ARID1B: variants seen among roughly 807,000 people sequenced by gnomAD.
ARID1B encodes AT-rich interactive domain-containing protein 1B.
In ARID1B, 30 loss-of-function variants were observed where a neutral mutation model predicts 212.3. The observed-to-expected ratio is 0.14, with a 90% CI of 0.11 to 0.19. The LOEUF (loss-of-function observed/expected upper bound fraction) is 0.19. ARID1B is among the 10% of genes least tolerant of loss of function. The pLI, the probability that ARID1B is intolerant of heterozygous loss-of-function variation, is 1.00. For synonymous variants in ARID1B, 1,402 were observed against 1,301.7 expected, an observed-to-expected ratio of 1.08 and a Z score of -1.66; for missense variants, 2,891 against 3,204.0, an observed-to-expected ratio of 0.90 and a Z score of 2.36.
Position 156,842,394 on chromosome 6 carries a change from A to C in ARID1B, c.1986+12973A>C, listed in dbSNP as rs532943327. The stretch of plus-strand genomic sequence containing the variant: ...TGACCTTTTGTGTCTGGCTTTTTTC[A>C]GTTAGCATACTGTTTTCAAGGTTCA... On this transcript the variant is annotated intron_variant, in intron 2 of 19. Coordinates refer to ENST00000636930, the MANE Select transcript of ARID1B (RefSeq NM_001374828.1). Among the ~76,000 whole-genome samples, 18 of 152,292 alleles carry C rather than the reference A, an allele frequency of 1.2e-4. No individual in the cohort carries two copies. In the East Asian group the frequency reaches 3.5e-3, roughly 29 times the overall value.
intron 1 of ARID1B, among the ~76,000 whole-genome samples, chr6:156,782,017 G>GTT (rs1779314840): frequency 7.4e-6 from 1 of 135,844 alleles, no homozygotes; most frequent in African/African-American, 2.8e-5. Context: ...TGAGGTTGGG[G>GTT]GAAATATGGA....
At chr6:156,907,905 CA>C (rs1210631219) in intron 3 of ARID1B, among the ~76,000 whole-genome samples, 1,297 of 74,472 alleles carry the variant, frequency 0.017, 6 homozygotes, top group East Asian at 0.025. Context: ...AAGACTGTCT[CA>C]AAAAAAAAAA....
intron 4 of ARID1B, among the ~76,000 whole-genome samples, chr6:157,078,101 G>A (rs984135572): frequency 2.6e-5 from 4 of 152,154 alleles, no homozygotes; most frequent in African/African-American, 9.7e-5. Context: ...TCTTAAGTTC[G>A]TTGGACTTAA....
At chr6:156,975,786 T>G (rs1777199287) in intron 4 of ARID1B, among the ~76,000 whole-genome samples, 1 of 152,108 alleles carries the variant, frequency 6.6e-6, no homozygotes, top group Non-Finnish European at 1.5e-5. Flanking sequence ...ACCACAGTGG[T>G]GCATGTCACG....
intron 2 of ARID1B, among the ~76,000 whole-genome samples, chr6:156,846,400 C>T (rs1393102978): frequency 6.6e-6 from 1 of 151,508 alleles, no homozygotes. Flanking sequence ...CTCCTGACCT[C>T]GTGAACCACC....
chr6:157,107,086 T>G (rs1326337616), intron 5 of ARID1B, among the ~76,000 whole-genome samples: 2 of 152,216 alleles, frequency 1.3e-5, no homozygotes, highest in African/African-American at 4.8e-5. Context: ...TGTGGTACAC[T>G]TCCCCAAATT....
intron 4 of ARID1B, among the ~76,000 whole-genome samples, chr6:156,991,306 C>T (rs1778264130): frequency 6.6e-6 from 1 of 152,222 alleles, no homozygotes; most frequent in African/African-American, 2.4e-5. Context: ...TCTCGGCTCA[C>T]TGCAACCTCT....
At chr6:157,204,447 T>G (rs542542595) in intron 19 of ARID1B, 1 of 156,912 alleles carries the variant, frequency 6.4e-6, no homozygotes, top group East Asian at 1.8e-4. Context: ...TTTAGAAATT[T>G]TATATTCTAT....
intron 2 of ARID1B, among the ~76,000 whole-genome samples, chr6:156,837,506 G>T (rs762178310): frequency 6.6e-6 from 1 of 151,840 alleles, no homozygotes; most frequent in Non-Finnish European, 1.5e-5. Flanking sequence ...TTTTAAAAAG[G>T]TTTTTTTTCT....
intron 8 of ARID1B, chr6:157,151,231 A>G (rs537326549): frequency 2.0e-5 from 3 of 152,042 alleles, no homozygotes; most frequent in East Asian, 3.9e-4. Flanking sequence ...TTGTCTAGGA[A>G]CCTGTGTTGT....
chr6:157,004,908 T>C (rs1253430318), intron 4 of ARID1B, among the ~76,000 whole-genome samples: 3 of 112,700 alleles, frequency 2.7e-5, no homozygotes, highest in Non-Finnish European at 5.3e-5. Flanking sequence ...TTTTTTTTTT[T>C]TTTTTTTTTT....
chr6:156,818,948 A>T (rs1782166708), intron 1 of ARID1B, among the ~76,000 whole-genome samples: 1 of 152,142 alleles, frequency 6.6e-6, no homozygotes, highest in Admixed American at 6.5e-5. Flanking sequence ...CTTTTAAAAA[A>T]AAAAAAACCT....
chr6:156,778,446 C>T lies in ARID1B; in HGVS notation c.766C>T (p.Pro256Ser), dbSNP rs1778850596. The T allele has an allele frequency of 7.1e-7, 1 of 1,410,622 alleles. No homozygotes were observed. 87.4% of individuals were successfully genotyped at this position (1,410,622 alleles called of 1,614,324 possible). ...KDSAAGGQAD[P>S]PGPPLLSKPG... ...CAGTGCTGCGGGCGGCCAGGCCGAC[C>T]CCCCGGGCCCGCCGCTGCTGAGCAA... Residue 256 changes from proline (P) to serine (S), a missense_variant, in exon 1 of 20, where the codon CCC becomes TCC. Coordinates refer to ENST00000636930, the MANE Select transcript of ARID1B (RefSeq NM_001374828.1).
At chr6:157,006,113 T>C (rs1381346900) in intron 4 of ARID1B, among the ~76,000 whole-genome samples, 4 of 152,206 alleles carry the variant, frequency 2.6e-5, no homozygotes, top group African/African-American at 9.7e-5. Flanking sequence ...AGTTCAGTGC[T>C]ATCTGATCTC....
At chr6:156,781,687 T>G (rs537738803) in intron 1 of ARID1B, among the ~76,000 whole-genome samples, 63 of 152,212 alleles carry the variant, frequency 4.1e-4, no homozygotes, top group Middle Eastern at 3.4e-3. Flanking sequence ...ATAGAAAACT[T>G]GTGATTTCAA....
intron 2 of ARID1B, among the ~76,000 whole-genome samples, chr6:156,887,347 G>T (rs1044821610): frequency 1.3e-5 from 2 of 152,212 alleles, no homozygotes; most frequent in African/African-American, 4.8e-5. Flanking sequence ...TAAGAGCCAA[G>T]TTGGGTCTTG....
At chr6:156,865,242 A>G (rs1785599043) in intron 2 of ARID1B, among the ~76,000 whole-genome samples, 1 of 152,146 alleles carries the variant, frequency 6.6e-6, no homozygotes, top group South Asian at 2.1e-4. Context: ...ATCCTTCAGT[A>G]GCTTTCTTAA....
chr6:157,184,035 T>G (rs1792774215), intron 12 of ARID1B, among the ~76,000 whole-genome samples, 196 bp from the exon 13 acceptor site: 1 of 152,208 alleles, frequency 6.6e-6, no homozygotes, highest in Non-Finnish European at 1.5e-5. Context: ...GTGCTTTTTC[T>G]GTTGCCATCA....
intron 5 of ARID1B, among the ~76,000 whole-genome samples, chr6:157,091,123 C>T (rs536293005): frequency 9.2e-5 from 14 of 152,268 alleles, no homozygotes; most frequent in African/African-American, 2.9e-4. Context: ...AGCTCGTCCT[C>T]CTACGCCACA....
Sources: gnomAD v4.1 joint callset for allele counts (sites outside exome capture counted in the v4.1 genomes callset) on GRCh38, gnomAD v4.1.1 for gene constraint, MANE v1.5 for transcripts, NCBI Gene and HGNC (gene_info 2026-07-23, HGNC 2026-07-21) for gene names.